WNK3: variants seen among roughly 807,000 people sequenced by gnomAD.
The protein encoded by WNK3 is serine/threonine-protein kinase WNK3.
Under a neutral mutation model 116.7 loss-of-function variants are expected in WNK3, and 18 were observed. The ratio of observed to expected loss-of-function variants is 0.15; its 90% CI spans 0.11 to 0.23. The LOEUF is 0.23. WNK3 is among the 10% of genes least tolerant of loss of function. The pLI, the probability that WNK3 is intolerant of heterozygous loss-of-function variation, is 1.00. For synonymous variants in WNK3, 404 were observed against 469.4 expected (o/e 0.86, Z 1.80); for missense variants, 993 against 1,323.8 (o/e 0.75, Z 3.88).
chrX:54,271,823 T>C (rs1557159391), intron 10 of WNK3, among the ~76,000 whole-genome samples: 1 of 111,431 alleles, frequency 9.0e-6, no homozygotes, highest in African/African-American at 3.3e-5. Context: ...CCTGGAAAAA[T>C]GAGATCAATC....
At chrX:54,347,091 A>C (rs556862222) in intron 1 of WNK3, among the ~76,000 whole-genome samples, 8 of 112,191 alleles carry the variant, frequency 7.1e-5, no homozygotes, top group Middle Eastern at 4.6e-3. Flanking sequence ...TCAAACCTGG[A>C]GTCTCTTACT....
At chrX:54,346,858 G>C (rs1397671494) in intron 1 of WNK3, among the ~76,000 whole-genome samples, 3 of 111,586 alleles carry the variant, frequency 2.7e-5, no homozygotes, top group African/African-American at 9.7e-5. Context: ...CCTAGGGACA[G>C]CACTATATTA....
chrX:54,342,097 C>CA (rs1370136457), intron 1 of WNK3, among the ~76,000 whole-genome samples: 1 of 109,188 alleles, frequency 9.2e-6, no homozygotes, highest in Non-Finnish European at 1.9e-5. Context: ...CCTGTCTCTA[C>CA]AAAAAACAAA....
exon 20 of WNK3, chrX:54,237,036 A>T: frequency 8.3e-7 from 1 of 1,211,919 alleles, no homozygotes; most frequent in Non-Finnish European, 1.1e-6. Context: ...AGAAGAGTGA[A>T]CTCTGTGTTT....
At chrX:54,274,628 A>C (rs1212802438) in intron 10 of WNK3, among the ~76,000 whole-genome samples, 2 of 111,906 alleles carry the variant, frequency 1.8e-5, no homozygotes, top group Non-Finnish European at 3.8e-5. Context: ...CCTCTCAACC[A>C]GAGCTCACTG....
At chrX:54,215,882 G>A (rs1315283739) in intron 22 of WNK3, among the ~76,000 whole-genome samples, 1 of 111,777 alleles carries the variant, frequency 8.9e-6, no homozygotes, top group Non-Finnish European at 1.9e-5. Flanking sequence ...GATTGTTACT[G>A]TGTCTGTGTA....
chrX:54,275,433 G>GTGTGTGTGTA, intron 10 of WNK3, among the ~76,000 whole-genome samples: 1 of 99,781 alleles, frequency 1.0e-5, no homozygotes, highest in Non-Finnish European at 2.0e-5. Context: ...GTGTGTGTGT[G>GTGTGTGTGTA]TGTGTGTGTG....
chrX:54,272,764 C>G (rs1167822603), intron 10 of WNK3, among the ~76,000 whole-genome samples: 1 of 111,972 alleles, frequency 8.9e-6, no homozygotes, highest in Non-Finnish European at 1.9e-5. Flanking sequence ...CTTAAAACCA[C>G]TGATAACCAC....
At chrX:54,204,953 C>T (rs1020788902) in intron 22 of WNK3, among the ~76,000 whole-genome samples, 7 of 112,239 alleles carry the variant, frequency 6.2e-5, no homozygotes, top group Admixed American at 9.5e-5. Context: ...CAGTGGCTCA[C>T]GCCTGTAATC....
At position 54,207,914 on chromosome X, in the gene WNK3, A is replaced by C. The variant is rs7051713; in HGVS notation, c.4871-5721T>G. Among the ~76,000 whole-genome samples the C allele has an allele frequency of 4.7e-3, 522 of 110,400 alleles. 2 individuals carry two copies. The highest frequency in any genetic ancestry group is 0.016 in the African/African-American group (488 of 30,418). On this transcript the variant is annotated intron_variant, in intron 22 of 23. Coordinates refer to ENST00000354646, the Ensembl canonical transcript of WNK3. ...CATTCCCCTCAACCCACTACAGGTA[A>C]AATTTATGGTTTTGGGAAGCAATGC... is the stretch of plus-strand genomic sequence containing the variant.
chrX:54,278,790 G>T (rs987084316), intron 10 of WNK3, among the ~76,000 whole-genome samples: 4 of 111,792 alleles, frequency 3.6e-5, no homozygotes, highest in Non-Finnish European at 7.5e-5. Flanking sequence ...ATTAACATAG[G>T]CCGGGCGTGG....
chrX:54,341,555 C>T (rs1400185200), intron 1 of WNK3, among the ~76,000 whole-genome samples: 2 of 110,164 alleles, frequency 1.8e-5, no homozygotes, highest in African/African-American at 3.3e-5. Flanking sequence ...CATGAATAGC[C>T]ACTGCCTGCT....
chrX:54,302,750 T>TAC (rs1557167809), intron 5 of WNK3, among the ~76,000 whole-genome samples: 1 of 43,449 alleles, frequency 2.3e-5, no homozygotes, highest in African/African-American at 7.8e-5. Context: ...TATATATATA[T>TAC]ATATATATTT....
At chrX:54,312,114 C>T (rs1158984065) in intron 2 of WNK3, among the ~76,000 whole-genome samples, 1 of 110,261 alleles carries the variant, frequency 9.1e-6, no homozygotes, top group Non-Finnish European at 1.9e-5. Context: ...GAGCCCAGTT[C>T]GAGACCAGCA....
intron 10 of WNK3, among the ~76,000 whole-genome samples, chrX:54,281,834 A>G (rs1419452576): frequency 9.0e-6 from 1 of 110,902 alleles, no homozygotes; most frequent in Non-Finnish European, 1.9e-5. Context: ...ATATGCACAC[A>G]CACCACATTT....
intron 1 of WNK3, among the ~76,000 whole-genome samples, chrX:54,338,575 CA>C (rs1171675290): frequency 1.9e-5 from 2 of 106,470 alleles, no homozygotes; most frequent in African/African-American, 3.4e-5. Context: ...GACTCTGTCT[CA>C]AAAAAAATTA....
At chrX:54,336,181 C>T (rs868964188) in intron 1 of WNK3, among the ~76,000 whole-genome samples, 1 of 110,503 alleles carries the variant, frequency 9.0e-6, no homozygotes, top group Non-Finnish European at 1.9e-5. Context: ...CCCAGCTACT[C>T]GGGAGGCTGA....
At chrX:54,249,928 A>G (rs2068111157) in intron 16 of WNK3, 66 bp downstream of exon 16, 2 of 1,101,608 alleles carry the variant, frequency 1.8e-6, no homozygotes, top group Non-Finnish European at 1.2e-6. Flanking sequence ...CCAGTTAAAG[A>G]TATCATATGT....
chrX:54,323,477 T>C (rs1557172687), intron 2 of WNK3, among the ~76,000 whole-genome samples: 1 of 111,025 alleles, frequency 9.0e-6, no homozygotes, highest in Non-Finnish European at 1.9e-5. Context: ...CTGTTCAGCA[T>C]AGCAAGACCC....
Sources: allele counts gnomAD v4.1 joint callset (sites outside exome capture counted in the v4.1 genomes callset), GRCh38; gene constraint gnomAD v4.1.1; transcripts MANE v1.5; gene names NCBI Gene and HGNC (gene_info 2026-07-23, HGNC 2026-07-21).